Variants in DOK6 observed in about 807,000 individuals in gnomAD.
The protein encoded by DOK6 is downstream of tyrosine kinase 6.
In DOK6, 22 loss-of-function variants were observed where a neutral mutation model predicts 44.0. The ratio of observed to expected loss-of-function variants is 0.50; its 90% CI spans 0.36 to 0.71. The LOEUF (loss-of-function observed/expected upper bound fraction) is 0.71, where lower values mean the gene tolerates loss of function less well. DOK6 is among the 30% of genes least tolerant of loss of function. The pLI, the probability that DOK6 is intolerant of heterozygous loss-of-function variation, is 0.00. For missense variants in DOK6, 340 were observed against 416.4 expected (o/e 0.82, Z 1.60); for synonymous variants, 166 against 145.5 (o/e 1.14, Z -1.01).
intron 1 of DOK6, among the ~76,000 whole-genome samples, chr18:69,446,789 G>T (rs896532518): frequency 3.3e-5 from 5 of 152,172 alleles, no homozygotes; most frequent in African/African-American, 1.2e-4. Flanking sequence ...GTTTTGATTT[G>T]CATTTCTCTG....
At chr18:69,787,390 G>A (rs1374966439) in intron 7 of DOK6, among the ~76,000 whole-genome samples, 2 of 152,008 alleles carry the variant, frequency 1.3e-5, no homozygotes, top group South Asian at 2.1e-4. Flanking sequence ...TGTAACATAC[G>A]TATTTAGACA....
chr18:69,690,762 G>A (rs943581339), intron 4 of DOK6, among the ~76,000 whole-genome samples: 8 of 152,160 alleles, frequency 5.3e-5, no homozygotes, highest in African/African-American at 1.4e-4. Context: ...CCAGATTCTT[G>A]AGGACTTACT....
chr18:69,677,882 C>T, intron 4 of DOK6, 29 bp downstream of exon 4: 9 of 1,606,178 alleles, frequency 5.6e-6, no homozygotes, highest in Non-Finnish European at 7.7e-6. Context: ...TCCATCACTT[C>T]AGAATACCCT....
chr18:69,461,781 T>C (rs995895361), intron 1 of DOK6, among the ~76,000 whole-genome samples: 1 of 152,212 alleles, frequency 6.6e-6, no homozygotes, highest in Non-Finnish European at 1.5e-5. Flanking sequence ...TTTGTGTATG[T>C]GTACATGTGT....
intron 2 of DOK6, among the ~76,000 whole-genome samples, chr18:69,579,533 C>T (rs989337817): frequency 1.5e-4 from 23 of 151,696 alleles, no homozygotes; most frequent in African/African-American, 5.3e-4. Flanking sequence ...GCTGGTTTGT[C>T]CAACTCTCCG....
intron 6 of DOK6, among the ~76,000 whole-genome samples, chr18:69,749,363 G>A (rs987272738): frequency 6.6e-6 from 1 of 151,950 alleles, no homozygotes; most frequent in African/African-American, 2.4e-5. Context: ...GCTTTTAAAC[G>A]AATTTGCAGC....
chr18:69,738,807 C>G (rs1056462924), intron 5 of DOK6, among the ~76,000 whole-genome samples, 158 bp from the exon 6 acceptor site: 1 of 151,922 alleles, frequency 6.6e-6, no homozygotes, highest in Non-Finnish European at 1.5e-5. Context: ...TATAAAGATG[C>G]ACTTTTTGGT....
intron 1 of DOK6, among the ~76,000 whole-genome samples, chr18:69,491,572 T>A (rs1421829199): frequency 1.3e-5 from 2 of 152,250 alleles, no homozygotes; most frequent in Non-Finnish European, 2.9e-5. Flanking sequence ...GTATTATATG[T>A]CCTATGTATG....
chr18:69,818,733 A>G (rs571407673), intron 7 of DOK6, among the ~76,000 whole-genome samples: 2 of 152,340 alleles, frequency 1.3e-5, no homozygotes, highest in East Asian at 1.9e-4. Flanking sequence ...GCCTGTATAC[A>G]GTCCCGTGAC....
chr18:69,632,226 G>A (rs1046662130), intron 3 of DOK6, among the ~76,000 whole-genome samples: 13 of 152,214 alleles, frequency 8.5e-5, no homozygotes, highest in Admixed American at 7.2e-4. Flanking sequence ...GCAAATAGAC[G>A]GTAGAGCCTT....
At chr18:69,723,192 G>A (rs1978291795) in intron 5 of DOK6, among the ~76,000 whole-genome samples, 1 of 152,106 alleles carries the variant, frequency 6.6e-6, no homozygotes, top group Non-Finnish European at 1.5e-5. Context: ...AATGAAACTT[G>A]GTCTAGGTGG....
intron 7 of DOK6, among the ~76,000 whole-genome samples, chr18:69,829,351 T>C (rs541144704): frequency 2.0e-5 from 3 of 152,144 alleles, no homozygotes; most frequent in African/African-American, 7.2e-5. Context: ...CTAACACTAT[T>C]GTTATCTAAT....
At chr18:69,800,485 T>C (rs1276562278) in intron 7 of DOK6, among the ~76,000 whole-genome samples, 1 of 152,180 alleles carries the variant, frequency 6.6e-6, no homozygotes, top group East Asian at 1.9e-4. Flanking sequence ...TCTGTATACA[T>C]GTGTAATACA....
chr18:69,542,951 C>T (rs185124635), intron 1 of DOK6, among the ~76,000 whole-genome samples: 5 of 151,426 alleles, frequency 3.3e-5, no homozygotes, highest in Admixed American at 2.0e-4. Context: ...TTATTGCAGT[C>T]GATTTGTCTT....
intron 1 of DOK6, among the ~76,000 whole-genome samples, chr18:69,519,260 T>C (rs1981622382): frequency 1.3e-5 from 2 of 151,978 alleles, no homozygotes; most frequent in Admixed American, 6.6e-5. Context: ...AGAGTGTATA[T>C]TGATGCAGAC....
intron 6 of DOK6, among the ~76,000 whole-genome samples, chr18:69,745,561 G>C (rs1978958265): frequency 6.6e-6 from 1 of 152,190 alleles, no homozygotes; most frequent in Non-Finnish European, 1.5e-5. Flanking sequence ...CAGTGAATGT[G>C]ATAGGAAGTG....
chr18:69,567,421 G>T (rs528949739), intron 2 of DOK6, among the ~76,000 whole-genome samples: 1 of 151,930 alleles, frequency 6.6e-6, no homozygotes, highest in African/African-American at 2.4e-5. Context: ...AACAAATTCG[G>T]TGATATAAAG....
chr18:69,517,883 T>C (rs1230067705), intron 1 of DOK6, among the ~76,000 whole-genome samples: 1 of 152,148 alleles, frequency 6.6e-6, no homozygotes, highest in Admixed American at 6.6e-5. Context: ...AGGTGCTGTT[T>C]ACCTTGTAGG....
At chr18:69,646,765 G>A (rs559220677) in intron 3 of DOK6, among the ~76,000 whole-genome samples, 29 of 152,194 alleles carry the variant, frequency 1.9e-4, no homozygotes, top group African/African-American at 7.0e-4. Context: ...GCCCCTCCTG[G>A]TCTATGCACT....
Sources: allele counts gnomAD v4.1 joint callset (sites outside exome capture counted in the v4.1 genomes callset), GRCh38; gene constraint gnomAD v4.1.1; transcripts MANE v1.5; gene names NCBI Gene and HGNC (gene_info 2026-07-23, HGNC 2026-07-21).